Variants in AP3S1 observed in about 807,000 individuals in gnomAD.
AP3S1 encodes adaptor related protein complex 3 subunit sigma 1.
AP3S1 carries 12 observed loss-of-function variants against 21.3 expected under a neutral mutation model. That is an observed-to-expected ratio of 0.56 (90% CI 0.36 to 0.91). The LOEUF (loss-of-function observed/expected upper bound fraction) is 0.91. Ranked by LOEUF, AP3S1 falls within the 40% of genes least tolerant of loss-of-function variation. The pLI, the probability that AP3S1 is intolerant of heterozygous loss-of-function variation, is 0.01. For synonymous variants in AP3S1, 48 were observed against 78.4 expected (o/e 0.61, Z 2.05); for missense variants, 116 against 225.0 (o/e 0.52, Z 3.10).
intron 3 of AP3S1, among the ~76,000 whole-genome samples, chr5:115,889,311 A>T (rs1750074733): frequency 6.6e-6 from 1 of 152,218 alleles, no homozygotes; most frequent in South Asian, 2.1e-4. Flanking sequence ...GAAAGAAAAA[A>T]TAAAGGCATA....
chr5:115,842,451 A>G, intron 1 of AP3S1: 1 of 208,034 alleles, frequency 4.8e-6, no homozygotes, highest in Non-Finnish European at 9.5e-6. Context: ...CCCTGCGCCC[A>G]GTCCCCAAGA....
intron 1 of AP3S1, among the ~76,000 whole-genome samples, chr5:115,851,195 T>G (rs940321428): frequency 2.6e-5 from 4 of 152,212 alleles, no homozygotes; most frequent in African/African-American, 9.6e-5. Context: ...GATAAAAGTT[T>G]CTTTCTTGAT....
At chr5:115,870,320 A>T (rs1234262848) in intron 3 of AP3S1, among the ~76,000 whole-genome samples, 192 bp downstream of exon 3, 1 of 152,220 alleles carries the variant, frequency 6.6e-6, no homozygotes, top group African/African-American at 2.4e-5. Context: ...AACTATCATA[A>T]CTAGTTTAAT....
At chr5:115,880,150 C>T (rs1749144306) in intron 3 of AP3S1, among the ~76,000 whole-genome samples, 1 of 152,158 alleles carries the variant, frequency 6.6e-6, no homozygotes, top group Admixed American at 6.5e-5. Context: ...TTTCAAAAAA[C>T]CAGCTCCTGG....
At chr5:115,861,500 A>T (rs1763177573) in intron 1 of AP3S1, among the ~76,000 whole-genome samples, 1 of 152,156 alleles carries the variant, frequency 6.6e-6, no homozygotes, top group Non-Finnish European at 1.5e-5. Flanking sequence ...TAAGTTTTTT[A>T]TTTGTTTAAT....
At chr5:115,913,273 T>G in intron 5 of AP3S1, 89 bp from the exon 6 acceptor site, 1 of 976,694 alleles carries the variant, frequency 1.0e-6, no homozygotes. Flanking sequence ...ATGAAAATCT[T>G]TTATCATTGT....
At position 115,867,566 on chromosome 5, in the gene AP3S1, G is replaced by T. The variant is rs138473073; in HGVS notation, c.161+805G>T. ...ATAACAGGGAATCCATGGTCATAAGGTACTTTTTATCATGTGGAACACTTA... is the reference window on the plus strand; with the variant it reads ...ATAACAGGGAATCCATGGTCATAAGTTACTTTTTATCATGTGGAACACTTA... On this transcript the variant is annotated intron_variant, in intron 2 of 5. Coordinates refer to ENST00000316788, the MANE Select transcript of AP3S1 (RefSeq NM_001284.4). Among the ~76,000 whole-genome samples the T allele has an allele frequency of 5.1e-3, 773 of 152,216 alleles. 2 individuals are homozygous for T. The highest frequency in any genetic ancestry group is 7.3e-3 in the South Asian group (35 of 4,816).
chr5:115,910,931 A>T (rs558049822), intron 5 of AP3S1, among the ~76,000 whole-genome samples: 1 of 152,236 alleles, frequency 6.6e-6, no homozygotes, highest in East Asian at 1.9e-4. Context: ...AAATAATTTG[A>T]TCCTCCTAAT....
At chr5:115,868,938 GAAGGAAGGA>G (rs1747955520) in intron 2 of AP3S1, among the ~76,000 whole-genome samples, 1 of 62,166 alleles carries the variant, frequency 1.6e-5, no homozygotes, top group Non-Finnish European at 3.2e-5. Context: ...GGGAGGGAGG[GAAGGAAGGA>G]AGGAAGGGAG....
chr5:115,860,965 A>G (rs900462440), intron 1 of AP3S1, among the ~76,000 whole-genome samples: 3 of 152,218 alleles, frequency 2.0e-5, no homozygotes, highest in Non-Finnish European at 2.9e-5. Flanking sequence ...CCTGTCTTCT[A>G]GATTACAAAT....
chr5:115,881,352 A>T lies in AP3S1; in HGVS notation c.273+11224A>T, dbSNP rs1252617462. 2.0e-5 allele frequency among the ~76,000 whole-genome samples: 3 copies of T among 151,928 alleles called. No individual in the cohort carries two copies. In the East Asian group the frequency reaches 5.8e-4, roughly 29 times the overall value. The stretch of plus-strand genomic sequence containing the variant: ...TGGCTGGTACCGGTTTTTCCTTTCC[A>T]TATTTAGTGCTTCCTTCAGGAGCTC... On this transcript the variant is annotated intron_variant, in intron 3 of 5. Coordinates refer to ENST00000316788, the MANE Select transcript of AP3S1 (RefSeq NM_001284.4).
chr5:115,899,871 A>G (rs1751062333), intron 4 of AP3S1, among the ~76,000 whole-genome samples: 1 of 152,286 alleles, frequency 6.6e-6, no homozygotes, highest in Non-Finnish European at 1.5e-5. Context: ...AGGAATAATT[A>G]AAGTATTTTA....
chr5:115,899,097 CA>C (rs1750999965), intron 4 of AP3S1, among the ~76,000 whole-genome samples: 1 of 152,192 alleles, frequency 6.6e-6, no homozygotes, highest in Admixed American at 6.5e-5. Flanking sequence ...CTTGCCTCCA[CA>C]AGTGATTAGG....
At chr5:115,855,222 A>G (rs1295022103) in intron 1 of AP3S1, among the ~76,000 whole-genome samples, 1 of 151,924 alleles carries the variant, frequency 6.6e-6, no homozygotes, top group Non-Finnish European at 1.5e-5. Flanking sequence ...TATTTTTAGT[A>G]GAGATGGGGT....
chr5:115,856,261 G>A (rs1762790738), intron 1 of AP3S1, among the ~76,000 whole-genome samples: 1 of 152,082 alleles, frequency 6.6e-6, no homozygotes, highest in Non-Finnish European at 1.5e-5. Flanking sequence ...TTTTAGCTTA[G>A]CCTTTGGATG....
intron 4 of AP3S1, among the ~76,000 whole-genome samples, chr5:115,901,774 C>G (rs768696023): frequency 6.6e-6 from 1 of 152,030 alleles, no homozygotes; most frequent in Non-Finnish European, 1.5e-5. Flanking sequence ...AGTGATCTGT[C>G]CACCTTGTCC....
chr5:115,883,905 T>C (rs1749533022), intron 3 of AP3S1, among the ~76,000 whole-genome samples: 1 of 152,218 alleles, frequency 6.6e-6, no homozygotes, highest in African/African-American at 2.4e-5. Context: ...GTTTTAATAA[T>C]ACTTATTAAC....
At chr5:115,851,561 A>G (rs1762440547) in intron 1 of AP3S1, among the ~76,000 whole-genome samples, 1 of 152,014 alleles carries the variant, frequency 6.6e-6, no homozygotes, top group Non-Finnish European at 1.5e-5. Context: ...GCATTTCTTT[A>G]GTGACTAGTG....
intron 5 of AP3S1, among the ~76,000 whole-genome samples, chr5:115,912,847 A>T (rs1329885838): frequency 2.0e-5 from 3 of 152,092 alleles, no homozygotes; most frequent in African/African-American, 7.2e-5. Flanking sequence ...CTCACAATTT[A>T]AAAAACTAAT....
Sources: allele counts gnomAD v4.1 joint callset (sites outside exome capture counted in the v4.1 genomes callset), GRCh38; gene constraint gnomAD v4.1.1; transcripts MANE v1.5; gene names NCBI Gene and HGNC (gene_info 2026-07-23, HGNC 2026-07-21).